SPAG17: variants seen among roughly 807,000 people sequenced by gnomAD.
SPAG17 encodes sperm associated antigen 17, also known as sperm-associated antigen 17.
Under a neutral mutation model 273.6 loss-of-function variants are expected in SPAG17, and 169 were observed. The observed-to-expected ratio is 0.62, with a 90% CI of 0.55 to 0.70. SPAG17 has a LOEUF of 0.70. SPAG17 is among the 30% of genes least tolerant of loss of function. SPAG17 has a pLI of 0.00. For missense variants in SPAG17, 2,557 were observed against 2,627.8 expected (o/e 0.97, Z 0.59); for synonymous variants, 825 against 873.2 (o/e 0.94, Z 0.97).
intron 20 of SPAG17, among the ~76,000 whole-genome samples, chr1:118,042,548 A>C (rs951424764): frequency 4.1e-4 from 62 of 152,284 alleles, no homozygotes; most frequent in Non-Finnish European, 3.7e-4. Flanking sequence ...GCCTGTCCTC[A>C]CATAGACTTG....
At chr1:118,088,356 T>C (rs1326026216) in intron 10 of SPAG17, among the ~76,000 whole-genome samples, 2 of 152,194 alleles carry the variant, frequency 1.3e-5, no homozygotes, top group East Asian at 1.9e-4. Context: ...TAAATGTTTG[T>C]TGCTTTAAGT....
At chr1:117,970,521 C>T (rs1261889945) in intron 45 of SPAG17, among the ~76,000 whole-genome samples, 1 of 152,204 alleles carries the variant, frequency 6.6e-6, no homozygotes, top group Non-Finnish European at 1.5e-5. Context: ...GGGAGCCAGC[C>T]TTGCTCTGTC....
chr1:118,065,860 A>G (rs957259619), intron 18 of SPAG17, among the ~76,000 whole-genome samples: 5 of 152,128 alleles, frequency 3.3e-5, no homozygotes, highest in African/African-American at 1.2e-4. Context: ...AATATTCGAA[A>G]CATTGCCTTT....
At chr1:118,095,668 T>C (rs765511246) in intron 7 of SPAG17, among the ~76,000 whole-genome samples, 18 of 152,180 alleles carry the variant, frequency 1.2e-4, no homozygotes, top group Non-Finnish European at 2.4e-4. Context: ...GGATTTGAGG[T>C]GGGATTTCAG....
At chr1:118,056,116 A>G (rs559811293) in intron 18 of SPAG17, among the ~76,000 whole-genome samples, 1 of 152,322 alleles carries the variant, frequency 6.6e-6, no homozygotes, top group South Asian at 2.1e-4. Context: ...AGTTAAAGAC[A>G]TGTAAATTTA....
chr1:118,145,441 C>T (rs1658922067), intron 3 of SPAG17, among the ~76,000 whole-genome samples: 2 of 152,070 alleles, frequency 1.3e-5, no homozygotes, highest in South Asian at 4.1e-4. Flanking sequence ...AAAAATGGAA[C>T]TATTACATCT....
At chr1:117,976,360 T>A (rs767503898) in intron 43 of SPAG17, among the ~76,000 whole-genome samples, 1 of 152,240 alleles carries the variant, frequency 6.6e-6, no homozygotes, top group Non-Finnish European at 1.5e-5. Flanking sequence ...CCAGTAGTGG[T>A]TCCTTGTTAC....
intron 19 of SPAG17, among the ~76,000 whole-genome samples, chr1:118,055,402 A>C (rs1292529598): frequency 1.3e-5 from 2 of 152,152 alleles, no homozygotes; most frequent in African/African-American, 4.8e-5. Flanking sequence ...TTATATTGTC[A>C]ACAAATCTTA....
Position 118,025,379 on chromosome 1 carries a change from G to A in SPAG17, c.3768C>T (p.Ile1256=). Residue 1256 remains isoleucine (I), a synonymous_variant, in exon 27 of 49, where the codon ATC becomes ATT. Transcript: ENST00000336338. The part of the protein sequence containing the change: ...YVIDEEPTWD[I]MVRQSYPQRV... ...TCTGGGGGTAGCTCTGACGGACCAT[G>A]ATGTCCCAGGTGGGTTCCTCATCTA... 1 of 1,604,824 alleles carries A rather than the reference G, an allele frequency of 6.2e-7. No individual in the cohort carries two copies. The highest frequency in any genetic ancestry group is 1.1e-5 in the South Asian group (1 of 89,804).
At chr1:118,051,169 A>C (rs1650963381) in intron 20 of SPAG17, among the ~76,000 whole-genome samples, 1 of 152,146 alleles carries the variant, frequency 6.6e-6, no homozygotes, top group Admixed American at 6.5e-5. Flanking sequence ...TCAGCAGGGA[A>C]ATGCAAATTA....
At chr1:118,121,911 CTATT>C (rs1004066915) in intron 3 of SPAG17, among the ~76,000 whole-genome samples, 16 of 152,234 alleles carry the variant, frequency 1.1e-4, no homozygotes, top group African/African-American at 3.6e-4. Flanking sequence ...ATACTGATGA[CTATT>C]TACCATTTCT....
At chr1:117,957,025 G>A (rs757530217) in intron 48 of SPAG17, 24 of 1,507,818 alleles carry the variant, frequency 1.6e-5, no homozygotes, top group East Asian at 9.6e-5. Flanking sequence ...TGTTAACAAC[G>A]TTAACAAATG....
At chr1:118,124,178 A>G (rs1016085346) in intron 3 of SPAG17, among the ~76,000 whole-genome samples, 2 of 152,228 alleles carry the variant, frequency 1.3e-5, no homozygotes, top group African/African-American at 4.8e-5. Context: ...ATTAGCAACA[A>G]ACGATTCTAC....
chr1:118,165,133 G>A (rs867554052), intron 1 of SPAG17, among the ~76,000 whole-genome samples: 15 of 152,246 alleles, frequency 9.9e-5, no homozygotes, highest in Admixed American at 3.9e-4. Flanking sequence ...CTGTGATCAC[G>A]GCCTTAGAGC....
chr1:118,158,509 T>C (rs551378941), intron 1 of SPAG17, among the ~76,000 whole-genome samples: 1 of 152,310 alleles, frequency 6.6e-6, no homozygotes, highest in East Asian at 1.9e-4. Context: ...ATTAATCTGA[T>C]CAATTTTGGG....
chr1:118,006,252 T>A (rs1571218526), intron 31 of SPAG17, among the ~76,000 whole-genome samples: 1 of 152,360 alleles, frequency 6.6e-6, no homozygotes, highest in East Asian at 1.9e-4. Flanking sequence ...CTGTTAGAAA[T>A]CTTTCTGGAT....
chr1:118,138,593 C>G (rs1658490716), intron 3 of SPAG17, among the ~76,000 whole-genome samples: 1 of 152,052 alleles, frequency 6.6e-6, no homozygotes, highest in Admixed American at 6.6e-5. Flanking sequence ...TCTTTGTGAA[C>G]CACTGGGATG....
At chr1:118,178,005 C>T (rs1410561607) in intron 1 of SPAG17, among the ~76,000 whole-genome samples, 1 of 152,112 alleles carries the variant, frequency 6.6e-6, no homozygotes, top group Admixed American at 6.6e-5. Flanking sequence ...AAAACTCTTA[C>T]CAATTCTACT....
chr1:117,954,534 TAA>T (rs1317690417), intron 48 of SPAG17: 2 of 1,584,896 alleles, frequency 1.3e-6, no homozygotes, highest in East Asian at 4.5e-5. Flanking sequence ...AAGTGCTACC[TAA>T]GTCTCAGTTT....
Sources: gnomAD v4.1 joint callset for allele counts (sites outside exome capture counted in the v4.1 genomes callset) on GRCh38, gnomAD v4.1.1 for gene constraint, MANE v1.5 for transcripts, NCBI Gene and HGNC (gene_info 2026-07-23, HGNC 2026-07-21) for gene names.